The following ENTPD5 variants were observed in gnomAD, a reference collection of about 807,000 sequenced individuals.
ENTPD5 encodes the protein nucleoside diphosphate phosphatase ENTPD5.
Under a neutral mutation model 60.2 loss-of-function variants are expected in ENTPD5, and 49 were observed. The observed-to-expected ratio is 0.81, with a 90% CI of 0.65 to 1.03. The LOEUF (loss-of-function observed/expected upper bound fraction) is 1.03, where lower values mean the gene tolerates loss of function less well. Among genes scored for constraint, ENTPD5 ranks in the 50% least tolerant of loss-of-function variants. ENTPD5 has a pLI of 0.00. For synonymous variants in ENTPD5, 187 were observed against 185.4 expected (o/e 1.01, Z -0.07); for missense variants, 480 against 507.6 (o/e 0.95, Z 0.52).
At position 73,972,367 on chromosome 14, in the gene ENTPD5, C is replaced by CT. The variant is rs533505860; in HGVS notation, c.1028-460dup. Among the ~76,000 whole-genome samples, 4 of 152,206 alleles carry CT rather than the reference C, an allele frequency of 2.6e-5. No homozygotes were observed. The South Asian group carries it at 8.3e-4, about 32-fold the overall frequency. Reference sequence around the variant, plus strand: ...CCAGCCTGGGTAACAGAGTGAGACTCTGTCTCAAAAAACAAACAAACAAAC... The same window carrying CT: ...CCAGCCTGGGTAACAGAGTGAGACTCTTGTCTCAAAAAACAAACAAACAAAC... On this transcript the variant is annotated intron_variant, in intron 13 of 15. Coordinates refer to ENST00000334696, the MANE Select transcript of ENTPD5 (RefSeq NM_001249.5).
intron 6 of ENTPD5, 76 bp from the exon 7 acceptor site, chr14:73,977,450 T>C (rs1189488142): frequency 8.7e-7 from 1 of 1,146,144 alleles, no homozygotes; most frequent in Admixed American, 2.4e-5. Context: ...GACAGTGTCC[T>C]GTAAGACTTA....
At chr14:73,976,742 G>C (rs1169374440) in intron 8 of ENTPD5, among the ~76,000 whole-genome samples, 1 of 152,094 alleles carries the variant, frequency 6.6e-6, no homozygotes, top group Admixed American at 6.6e-5. Flanking sequence ...GAGTAGCTGG[G>C]ACTACAGGTA....
intron 3 of ENTPD5, among the ~76,000 whole-genome samples, chr14:73,997,923 T>C (rs982352345): frequency 6.6e-6 from 1 of 152,162 alleles, no homozygotes; most frequent in African/African-American, 2.4e-5. Flanking sequence ...CCTTTCCCAG[T>C]GTTCCACTAC....
At chr14:73,974,154 T>C (rs2057342904) in intron 11 of ENTPD5, among the ~76,000 whole-genome samples, 176 bp from the exon 12 acceptor site, 1 of 152,182 alleles carries the variant, frequency 6.6e-6, no homozygotes, top group Non-Finnish European at 1.5e-5. Flanking sequence ...GGTTCAAAGA[T>C]AGGCTTTGTG....
At chr14:73,996,137 T>G (rs2058335823) in intron 3 of ENTPD5, 2 of 985,266 alleles carry the variant, frequency 2.0e-6, no homozygotes, top group African/African-American at 3.5e-5. Context: ...CCCTGAGTCC[T>G]TGCTTTCGCT....
At chr14:73,993,032 T>A (rs184705956) in intron 3 of ENTPD5, among the ~76,000 whole-genome samples, 15 of 152,070 alleles carry the variant, frequency 9.9e-5, no homozygotes, top group Non-Finnish European at 1.8e-4. Context: ...AAGTTAACTA[T>A]ATTTGGAATT....
chr14:73,959,957 T>TA, downstream of ENTPD5: 1 of 1,113,786 alleles, frequency 9.0e-7, no homozygotes, highest in Non-Finnish European at 1.1e-6. Flanking sequence ...CTAGATTATG[T>TA]GGAGGAGTGT....
chr14:73,959,421 G>C (rs1322466950), downstream of ENTPD5: 1 of 1,614,202 alleles, frequency 6.2e-7, no homozygotes. Flanking sequence ...ACAGCTCTCA[G>C]ACACCTTGAG....
At chr14:73,957,587 A>G (rs1281623772), downstream of ENTPD5, among the ~76,000 whole-genome samples, 2 of 151,974 alleles carry the variant, frequency 1.3e-5, no homozygotes, top group East Asian at 3.9e-4. Flanking sequence ...ACAGGTGCGC[A>G]CCATCACGCC....
At chr14:74,007,038 G>A (rs1340114629) in intron 3 of ENTPD5, among the ~76,000 whole-genome samples, 1 of 152,118 alleles carries the variant, frequency 6.6e-6, no homozygotes, top group Non-Finnish European at 1.5e-5. Flanking sequence ...GAAAATACTT[G>A]TATTGGCAGA....
intron 3 of ENTPD5, among the ~76,000 whole-genome samples, chr14:73,999,710 T>C (rs1460489484): frequency 6.6e-6 from 1 of 151,960 alleles, no homozygotes; most frequent in African/African-American, 2.4e-5. Flanking sequence ...GAGAATTGCT[T>C]GAACCTGGCA....
Position 73,977,211 on chromosome 14 carries a change from T to C in ENTPD5, c.517+88A>G, listed in dbSNP as rs774467727. On this transcript the variant is annotated intron_variant, in intron 7 of 15. Coordinates refer to ENST00000334696, the MANE Select transcript of ENTPD5 (RefSeq NM_001249.5). ...CTATTTCCTGCTATCTCATTCCTTC[T>C]GTTTATTCCTGGCCCCAGTTCCTTT... 3.2e-6 allele frequency: 4 copies of C among 1,262,772 alleles called. No homozygotes were observed. In the Admixed American group the frequency reaches 5.5e-5, roughly 17 times the overall value. 78.2% of individuals were successfully genotyped at this position (1,262,772 alleles called of 1,614,324 possible).
chr14:73,995,012 T>A (rs1338223916), intron 3 of ENTPD5, among the ~76,000 whole-genome samples: 6 of 151,846 alleles, frequency 4.0e-5, no homozygotes, highest in African/African-American at 1.5e-4. Flanking sequence ...TCCTGCCACC[T>A]TTACCCACTA....
chr14:73,993,785 A>T (rs1468505), intron 3 of ENTPD5, among the ~76,000 whole-genome samples: 61,177 of 151,556 alleles, frequency 0.4, 13,417 homozygotes, highest in South Asian at 0.49. Context: ...GGGTCACCCA[A>T]ATTTTGTATT....
chr14:73,962,847 CTTTT>C, downstream of ENTPD5: 8 of 830,066 alleles, frequency 9.6e-6, no homozygotes, highest in South Asian at 1.2e-4. Context: ...GTATATTTTT[CTTTT>C]TTTAGCTGAA....
At chr14:74,017,094 G>A (rs542170157) in intron 1 of ENTPD5, among the ~76,000 whole-genome samples, 5 of 152,306 alleles carry the variant, frequency 3.3e-5, no homozygotes, top group Non-Finnish European at 5.9e-5. Flanking sequence ...CGAGGCGGGC[G>A]GATCACCTGA....
rs1032427512 is a variant in ENTPD5, at chr14:73,971,925, G to C, written c.1028-17C>G. ...TTTCATAATCTGAAATAAAACAGAA[G>C]ATTATCTGATATCAAAACGCCTTCA... is the stretch of plus-strand genomic sequence containing the variant. On this transcript the variant is annotated splice_polypyrimidine_tract_variant and intron_variant, in intron 13 of 15. Coordinates refer to ENST00000334696, the MANE Select transcript of ENTPD5 (RefSeq NM_001249.5). 5 of 1,473,950 alleles carry C rather than the reference G, an allele frequency of 3.4e-6. No individual in the cohort carries two copies. The highest frequency in any genetic ancestry group is 4.7e-6 in the Non-Finnish European group (5 of 1,052,734). 91.3% of individuals were successfully genotyped at this position (1,473,950 alleles called of 1,614,324 possible).
At chr14:73,960,594 T>C, downstream of ENTPD5, 1 of 1,038,532 alleles carries the variant, frequency 9.6e-7, no homozygotes, top group African/African-American at 1.7e-5. Context: ...AGTGCAGTCA[T>C]TCACCATTAA....
chr14:73,988,783 G>C (rs1235230266), intron 3 of ENTPD5, among the ~76,000 whole-genome samples: 1 of 152,008 alleles, frequency 6.6e-6, no homozygotes, highest in African/African-American at 2.4e-5. Flanking sequence ...ATATCTTTCT[G>C]AGCCTGGCGT....
Sources: gnomAD v4.1 joint callset for allele counts (sites outside exome capture counted in the v4.1 genomes callset) on GRCh38, gnomAD v4.1.1 for gene constraint, MANE v1.5 for transcripts, NCBI Gene and HGNC (gene_info 2026-07-23, HGNC 2026-07-21) for gene names.